UMAD1: variants seen among roughly 807,000 people sequenced by gnomAD.
UMAD1 encodes UBAP1-MVB12-associated (UMA)-domain containing protein 1.
UMAD1 carries 8 observed loss-of-function variants against 6.1 expected under a neutral mutation model. That is an observed-to-expected ratio of 1.30 (90% CI 0.76 to 2.35). The LOEUF (loss-of-function observed/expected upper bound fraction) is 2.35, where lower values mean the gene tolerates loss of function less well. Ranked by LOEUF, UMAD1 falls within the 30% of genes most tolerant of loss-of-function variation. The pLI is 0.00. For missense variants in UMAD1, 130 were observed against 78.4 expected (o/e 1.66, Z -2.49); for synonymous variants, 56 against 31.4 (o/e 1.78, Z -2.61).
chr7:7,679,745 T>G (rs1392301926), intron 2 of UMAD1, among the ~76,000 whole-genome samples: 1 of 147,234 alleles, frequency 6.8e-6, no homozygotes, highest in Non-Finnish European at 1.5e-5. Context: ...CACACACATA[T>G]TAAGAGGCAA....
At chr7:7,858,030 G>A (rs955114382) in intron 3 of UMAD1, among the ~76,000 whole-genome samples, 1 of 152,292 alleles carries the variant, frequency 6.6e-6, no homozygotes, top group East Asian at 1.9e-4. Context: ...AGAGTTAGAC[G>A]GTGTGACTTC....
At chr7:7,792,211 G>A (rs2115264883) in intron 2 of UMAD1, among the ~76,000 whole-genome samples, 1 of 152,272 alleles carries the variant, frequency 6.6e-6, no homozygotes, top group South Asian at 2.1e-4. Flanking sequence ...CAGTCAGCTT[G>A]TACCCTTTCC....
intron 2 of UMAD1, among the ~76,000 whole-genome samples, chr7:7,691,099 A>G (rs1232070474): frequency 1.3e-5 from 2 of 152,160 alleles, no homozygotes; most frequent in Non-Finnish European, 2.9e-5. Flanking sequence ...CAGAAGTGTT[A>G]TGCTGCCAAC....
At chr7:7,701,224 A>G (rs1259321784) in intron 2 of UMAD1, among the ~76,000 whole-genome samples, 2 of 151,228 alleles carry the variant, frequency 1.3e-5, no homozygotes, top group African/African-American at 4.8e-5. Context: ...GAACTGTATC[A>G]TTTCCTCTCT....
At chr7:7,643,105 C>A (rs1024835737) in intron 1 of UMAD1, among the ~76,000 whole-genome samples, 1 of 152,080 alleles carries the variant, frequency 6.6e-6, no homozygotes, top group Non-Finnish European at 1.5e-5. Context: ...TGGCAATTAC[C>A]GAATTTGCTT....
intron 1 of UMAD1, among the ~76,000 whole-genome samples, chr7:7,668,622 T>C (rs991380567): frequency 6.6e-6 from 1 of 152,186 alleles, no homozygotes; most frequent in Non-Finnish European, 1.5e-5. Context: ...AGTTTTACCA[T>C]AGGCTAATTG....
intron 2 of UMAD1, among the ~76,000 whole-genome samples, chr7:7,722,159 A>C (rs7800438): frequency 0.33 from 40,927 of 124,530 alleles, 5,940 homozygotes; most frequent in Non-Finnish European, 0.38. Context: ...CTCTCTCTCT[A>C]TATATATATA....
chr7:7,666,266 T>C (rs1779453586), intron 1 of UMAD1, among the ~76,000 whole-genome samples: 1 of 151,914 alleles, frequency 6.6e-6, no homozygotes, highest in Non-Finnish European at 1.5e-5. Flanking sequence ...TGCAGTGGCA[T>C]GATCTTGCCT....
chr7:7,727,468 A>G (rs1277199245), intron 2 of UMAD1, among the ~76,000 whole-genome samples: 1 of 152,166 alleles, frequency 6.6e-6, no homozygotes, highest in African/African-American at 2.4e-5. Flanking sequence ...GGAAATGTGT[A>G]TGAGTTCAAG....
chr7:7,701,081 T>C (rs115990051), intron 2 of UMAD1, among the ~76,000 whole-genome samples: 17 of 152,252 alleles, frequency 1.1e-4, no homozygotes, highest in African/African-American at 4.1e-4. Flanking sequence ...ACAAGTATAA[T>C]TCACACTTGG....
At chr7:7,746,740 C>G (rs896014559) in intron 2 of UMAD1, among the ~76,000 whole-genome samples, 1 of 152,222 alleles carries the variant, frequency 6.6e-6, no homozygotes, top group East Asian at 1.9e-4. Flanking sequence ...GCCAAATGCC[C>G]TGTCCCTCAG....
At chr7:7,758,899 A>G (rs113399997) in intron 2 of UMAD1, among the ~76,000 whole-genome samples, 6 of 152,140 alleles carry the variant, frequency 3.9e-5, no homozygotes, top group African/African-American at 1.2e-4. Flanking sequence ...GTTTTTGTAC[A>G]TATCTTGCTT....
intron 2 of UMAD1, among the ~76,000 whole-genome samples, chr7:7,674,787 C>G (rs1779698617): frequency 6.6e-6 from 1 of 152,122 alleles, no homozygotes; most frequent in Non-Finnish European, 1.5e-5. Flanking sequence ...ACTTTTTTCA[C>G]ACTTCTTGAA....
At chr7:7,777,641 T>A (rs1460283621) in intron 2 of UMAD1, among the ~76,000 whole-genome samples, 1 of 145,658 alleles carries the variant, frequency 6.9e-6, no homozygotes, top group African/African-American at 2.6e-5. Flanking sequence ...TAGAAAAAAA[T>A]TTATGTTGTT....
Position 7,673,466 on chromosome 7 carries a change from A to T in UMAD1, c.82+13A>T. ...TTCGTCCTTTTAGGTGAGTCTTTTT[A>T]AGAAACAAAATAATTAGATGAATTA... On this transcript the variant is annotated intron_variant, in intron 2 of 3. Coordinates refer to ENST00000682710, the MANE Select transcript of UMAD1 (RefSeq NM_001302348.2). 1 of 772,872 alleles carries T rather than the reference A, an allele frequency of 1.3e-6. No homozygotes were observed. The highest frequency in any genetic ancestry group is 2.2e-6 in the Non-Finnish European group (1 of 449,186). The allele number at this position is 772,872 out of a possible 1,614,324, so 47.9% of individuals were successfully genotyped here.
chr7:7,842,688 T>C (rs1317099310), intron 3 of UMAD1, among the ~76,000 whole-genome samples: 1 of 152,050 alleles, frequency 6.6e-6, no homozygotes, highest in Non-Finnish European at 1.5e-5. Flanking sequence ...ATTATTAAAA[T>C]AAAGAGTACA....
chr7:7,844,786 C>A (rs1042710012), intron 3 of UMAD1, among the ~76,000 whole-genome samples: 5 of 152,090 alleles, frequency 3.3e-5, no homozygotes, highest in African/African-American at 1.2e-4. Flanking sequence ...TGCTAGTGAT[C>A]CATCTAATAT....
intron 2 of UMAD1, among the ~76,000 whole-genome samples, chr7:7,714,679 A>T (rs987479331): frequency 2.0e-5 from 3 of 152,116 alleles, no homozygotes; most frequent in African/African-American, 7.2e-5. Flanking sequence ...AAAGACTTAG[A>T]ACTCCATCAG....
chr7:7,875,390 A>G (rs141675124), intron 3 of UMAD1, among the ~76,000 whole-genome samples: 3,075 of 152,322 alleles, frequency 0.02, 114 homozygotes, highest in African/African-American at 0.07. Flanking sequence ...AAAAAAATCA[A>G]TGAATCCAGG....
Sources: allele counts gnomAD v4.1 joint callset (sites outside exome capture counted in the v4.1 genomes callset), GRCh38; gene constraint gnomAD v4.1.1; transcripts MANE v1.5; gene names NCBI Gene and HGNC (gene_info 2026-07-23, HGNC 2026-07-21).